The following TACR1 variants were observed in gnomAD, a reference collection of about 807,000 sequenced individuals.
TACR1 encodes the protein tachykinin receptor 1.
TACR1 carries 25 observed loss-of-function variants against 35.8 expected under a neutral mutation model. That is an observed-to-expected ratio of 0.70 (90% CI 0.51 to 0.98). TACR1 has a LOEUF of 0.98. TACR1 is among the 50% of genes least tolerant of loss of function. The pLI, the probability that TACR1 is intolerant of heterozygous loss-of-function variation, is 0.00. For missense variants in TACR1, 478 were observed against 522.9 expected (o/e 0.91, Z 0.84); for synonymous variants, 195 against 206.7 (o/e 0.94, Z 0.48).
intron 1 of TACR1, among the ~76,000 whole-genome samples, chr2:75,136,088 G>A (rs1264670121): frequency 6.6e-6 from 1 of 152,186 alleles, no homozygotes; most frequent in African/African-American, 2.4e-5. Context: ...AAGCAAGAAG[G>A]AAGCACATGG....
intron 2 of TACR1, among the ~76,000 whole-genome samples, chr2:75,078,564 A>G (rs532130230): frequency 2.0e-5 from 3 of 152,212 alleles, no homozygotes; most frequent in African/African-American, 7.2e-5. Context: ...CTTCTAGCCA[A>G]TATATCCAAT....
At chr2:75,126,563 C>G (rs1248696770) in intron 1 of TACR1, among the ~76,000 whole-genome samples, 3 of 152,196 alleles carry the variant, frequency 2.0e-5, no homozygotes, top group African/African-American at 4.8e-5. Context: ...AGGCGACACC[C>G]TCCTGGACAA....
In TACR1 at chr2:75,077,678, G is replaced by C. The variant is rs1673006696; in HGVS notation, c.585-23923C>G. Among the ~76,000 whole-genome samples, 3 of 152,214 alleles carry C rather than the reference G, an allele frequency of 2.0e-5. No homozygotes were observed. The South Asian group carries it at 6.2e-4, about 32-fold the overall frequency. On this transcript the variant is annotated intron_variant, in intron 2 of 4. Coordinates refer to ENST00000305249, the MANE Select transcript of TACR1 (RefSeq NM_001058.4). ...GGTGTTTACTGTGGATCAGGCCTGA[G>C]ATGCTGGGGTAACAGTGATGAACAA...
intron 1 of TACR1, among the ~76,000 whole-genome samples, chr2:75,164,580 T>TGAAA (rs1675095542): frequency 6.6e-6 from 1 of 151,990 alleles, no homozygotes; most frequent in African/African-American, 2.4e-5. Flanking sequence ...AAATGAAAAA[T>TGAAA]AATCTGTTGA....
chr2:75,066,952 A>G (rs1672775506), intron 2 of TACR1, among the ~76,000 whole-genome samples: 1 of 152,224 alleles, frequency 6.6e-6, no homozygotes, highest in African/African-American at 2.4e-5. Flanking sequence ...TTTCTGGACT[A>G]TCTTTTATGC....
intron 1 of TACR1, among the ~76,000 whole-genome samples, 192 bp from the exon 2 acceptor site, chr2:75,120,960 G>A (rs545130582): frequency 1.3e-4 from 20 of 152,068 alleles, no homozygotes; most frequent in African/African-American, 2.9e-4. Flanking sequence ...GCCAACATGC[G>A]TAAGAAAAGC....
At chr2:75,110,563 G>A (rs779829021) in intron 2 of TACR1, among the ~76,000 whole-genome samples, 4 of 151,560 alleles carry the variant, frequency 2.6e-5, no homozygotes, top group Non-Finnish European at 5.9e-5. Context: ...CATACAAGGG[G>A]CACTAACTGC....
At chr2:75,057,617 A>G (rs1478087753) in intron 2 of TACR1, among the ~76,000 whole-genome samples, 1 of 152,262 alleles carries the variant, frequency 6.6e-6, no homozygotes, top group Non-Finnish European at 1.5e-5. Context: ...TATGATCTAT[A>G]TAGAATAGGC....
intron 2 of TACR1, among the ~76,000 whole-genome samples, chr2:75,063,939 G>A (rs774646505): frequency 1.2e-4 from 19 of 152,184 alleles, no homozygotes; most frequent in Non-Finnish European, 2.5e-4. Flanking sequence ...GTTATTTAGA[G>A]CCAGGTTGGC....
intron 1 of TACR1, among the ~76,000 whole-genome samples, chr2:75,130,068 A>G (rs959530330): frequency 6.6e-5 from 10 of 152,166 alleles, no homozygotes; most frequent in African/African-American, 2.4e-4. Flanking sequence ...AAATGTTGAT[A>G]TTTTGTTAAT....
At chr2:75,073,384 C>T (rs1056291825) in intron 2 of TACR1, among the ~76,000 whole-genome samples, 3 of 152,190 alleles carry the variant, frequency 2.0e-5, no homozygotes, top group Non-Finnish European at 4.4e-5. Context: ...TACCTGGTGA[C>T]CAGGGCTTAG....
intron 1 of TACR1, among the ~76,000 whole-genome samples, chr2:75,156,860 A>G (rs978341966): frequency 1.1e-4 from 16 of 152,214 alleles, no homozygotes; most frequent in Admixed American, 5.9e-4. Flanking sequence ...ATTAGTGTCT[A>G]GTTTTCTTCT....
At chr2:75,051,095 CAGCCAGGCT>C in intron 4 of TACR1, 147 bp downstream of exon 4, 1 of 920,702 alleles carries the variant, frequency 1.1e-6, no homozygotes, top group Admixed American at 2.5e-5. Flanking sequence ...TGGTGATAAT[CAGCCAGGCT>C]GAGTTGTGTG....
intron 2 of TACR1, among the ~76,000 whole-genome samples, chr2:75,116,407 A>AT (rs1193659243): frequency 1.3e-5 from 2 of 151,932 alleles, no homozygotes; most frequent in Non-Finnish European, 2.9e-5. Flanking sequence ...GGGCTCCACA[A>AT]TTTTTTTTGT....
rs567390103 is a variant in TACR1 at position 75,106,919 on chromosome 2, A to G, written c.584+13655T>C. 4.6e-5 allele frequency among the ~76,000 whole-genome samples: 7 copies of G among 151,932 alleles called. No homozygotes were observed. In the East Asian group the frequency reaches 1.4e-3, roughly 29 times the overall value. ...ACTATAACAATATATATAGATAAAG[A>G]CAATGAGTGTGGAAATGTTCAACTA... On this transcript the variant is annotated intron_variant, in intron 2 of 4. Coordinates refer to ENST00000305249, the MANE Select transcript of TACR1 (RefSeq NM_001058.4).
At chr2:75,081,244 G>A (rs373245482) in intron 2 of TACR1, among the ~76,000 whole-genome samples, 16 of 152,114 alleles carry the variant, frequency 1.1e-4, no homozygotes, top group African/African-American at 1.4e-4. Flanking sequence ...ATTGTATAAC[G>A]GGCGTGTATT....
In TACR1 at chr2:75,177,897, G is replaced by A. The variant is rs75280562; in HGVS notation, c.389+20649C>T. ...ACTTCACCCTCCAGCTCCACAACAT[G>A]ACGATTTCACTTTTCCTCTCCTCTC... On this transcript the variant is annotated intron_variant, in intron 1 of 4. Coordinates refer to ENST00000305249, the MANE Select transcript of TACR1 (RefSeq NM_001058.4). Among the ~76,000 whole-genome samples the A allele has an allele frequency of 5.7e-3, 869 of 152,242 alleles. 7 individuals are homozygous for A. The highest frequency in any genetic ancestry group is 0.011 in the Non-Finnish European group (724 of 68,018).
At chr2:75,156,559 T>C (rs185403691) in intron 1 of TACR1, among the ~76,000 whole-genome samples, 447 of 144,174 alleles carry the variant, frequency 3.1e-3, no homozygotes, top group Non-Finnish European at 4.8e-3. Flanking sequence ...GTGGAGATCA[T>C]GCCACTGCCC....
At chr2:75,077,346 C>T (rs1673000806) in intron 2 of TACR1, among the ~76,000 whole-genome samples, 1 of 152,188 alleles carries the variant, frequency 6.6e-6, no homozygotes, top group Non-Finnish European at 1.5e-5. Flanking sequence ...GAACTCAGGT[C>T]TTTTAAAACT....
Sources: gnomAD v4.1 joint callset for allele counts (sites outside exome capture counted in the v4.1 genomes callset) on GRCh38, gnomAD v4.1.1 for gene constraint, MANE v1.5 for transcripts, NCBI Gene and HGNC (gene_info 2026-07-23, HGNC 2026-07-21) for gene names.